SHLD2: variants seen among roughly 807,000 people sequenced by gnomAD.
The protein encoded by SHLD2 is shieldin complex subunit 2.
SHLD2 carries 30 observed loss-of-function variants against 73.2 expected under a neutral mutation model. That is an observed-to-expected ratio of 0.41 (90% CI 0.31 to 0.56). The LOEUF (loss-of-function observed/expected upper bound fraction) is 0.56. Among genes scored for constraint, SHLD2 ranks in the 20% least tolerant of loss-of-function variants. The pLI is 0.28. For synonymous variants in SHLD2, 285 were observed against 370.1 expected, an observed-to-expected ratio of 0.77 and a Z score of 2.64; for missense variants, 745 against 1,055.9, an observed-to-expected ratio of 0.71 and a Z score of 4.08.
chr10:87,160,807 T>C (rs940038763), intron 4 of SHLD2, among the ~76,000 whole-genome samples: 18 of 151,752 alleles, frequency 1.2e-4, no homozygotes, highest in Non-Finnish European at 2.2e-4. Context: ...CTGGCCAACA[T>C]AGCAAAACCC....
At chr10:87,107,440 T>C (rs1842673030) in intron 2 of SHLD2, among the ~76,000 whole-genome samples, 1 of 151,674 alleles carries the variant, frequency 6.6e-6, no homozygotes. Context: ...AAAAAGAAAA[T>C]AATATGGTGC....
At position 87,190,997 on chromosome 10, in the gene SHLD2, G is replaced by A; in HGVS notation, c.*314G>A. The A allele has an allele frequency of 5.4e-6, 2 of 372,172 alleles. No individual in the cohort carries two copies. The highest frequency in any genetic ancestry group is 5.0e-6 in the Non-Finnish European group (1 of 200,840). 23.1% of individuals were successfully genotyped at this position (372,172 alleles called of 1,614,324 possible). ...GTATTTAGTCCCTGCTACATTCCAG[G>A]CATTGTACTAAGTATGGGGAACCAC... On this transcript the variant is annotated 3_prime_UTR_variant, in exon 10 of 10. Coordinates refer to ENST00000298786, the MANE Select transcript of SHLD2 (RefSeq NM_001330112.2).
chr10:87,099,713 C>T (rs1432015971), intron 2 of SHLD2, among the ~76,000 whole-genome samples: 2 of 152,214 alleles, frequency 1.3e-5, no homozygotes, highest in Admixed American at 6.5e-5. Context: ...TACTGCCAAA[C>T]TTTTCCACAG....
intron 8 of SHLD2, among the ~76,000 whole-genome samples, chr10:87,181,106 T>C (rs1848276737): frequency 6.7e-6 from 1 of 150,272 alleles, no homozygotes; most frequent in Admixed American, 6.7e-5. Flanking sequence ...GTAGGCTGGG[T>C]GTGGTGGCTC....
At chr10:87,095,122 A>C (rs1841714394), upstream of SHLD2, 1 of 94,182 alleles carries the variant, frequency 1.1e-5, no homozygotes, top group Admixed American at 1.2e-4. Context: ...GGCGGGGAGG[A>C]GAGTGGAGGG....
chr10:87,128,952 G>A (rs1413932420), intron 2 of SHLD2, among the ~76,000 whole-genome samples: 4 of 152,098 alleles, frequency 2.6e-5, no homozygotes, highest in Non-Finnish European at 4.4e-5. Flanking sequence ...GCCCAGGCTG[G>A]AGTGCAGTGG....
At chr10:87,118,447 T>G (rs1330229907) in intron 2 of SHLD2, among the ~76,000 whole-genome samples, 1 of 151,048 alleles carries the variant, frequency 6.6e-6, no homozygotes, top group African/African-American at 2.4e-5. Flanking sequence ...ATATTTATTT[T>G]TCTATTTGAG....
chr10:87,153,627 G>A (rs1167910575), intron 3 of SHLD2, among the ~76,000 whole-genome samples: 1 of 152,098 alleles, frequency 6.6e-6, no homozygotes, highest in Non-Finnish European at 1.5e-5. Flanking sequence ...GTGCATGTGT[G>A]TATATATCAC....
At chr10:87,159,289 C>T (rs1846648746) in intron 4 of SHLD2, among the ~76,000 whole-genome samples, 1 of 152,058 alleles carries the variant, frequency 6.6e-6, no homozygotes, top group Non-Finnish European at 1.5e-5. Flanking sequence ...ACTAGGGTGG[C>T]CCATCAGCAG....
In SHLD2 at chr10:87,187,142, A is replaced by C. The variant is rs1165529914; in HGVS notation, c.2457A>C (p.Ser819=). The C allele has an allele frequency of 6.2e-7, 1 of 1,613,532 alleles. No individual in the cohort carries two copies. Among genetic ancestry groups the C allele is most frequent in the Non-Finnish European group, 8.5e-7 (1 of 1,179,522 alleles). ...GRHDVCIRVE[S]KLIEKILLNI... ...ATGATGTTTGTATCCGTGTAGAATC[A>C]AAGCTGATAGAGAAGATTCTTCTCA... The change falls in exon 9 of 10, where the codon TCA becomes TCC. Residue 819 remains serine, a synonymous_variant. Transcript: ENST00000298786.
At chr10:87,180,420 A>C (rs1848232750) in intron 8 of SHLD2, 117 bp downstream of exon 8, 3 of 1,384,992 alleles carry the variant, frequency 2.2e-6, no homozygotes, top group East Asian at 5.0e-5. Flanking sequence ...AAGAGAATAA[A>C]ATTTTCCGAG....
At chr10:87,153,604 C>T (rs540097771) in intron 3 of SHLD2, among the ~76,000 whole-genome samples, 15 of 152,078 alleles carry the variant, frequency 9.9e-5, no homozygotes, top group Non-Finnish European at 1.9e-4. Flanking sequence ...TCTCTGTTCT[C>T]CTTAAAATGT....
Position 87,180,234 on chromosome 10 carries a change from C to T in SHLD2, c.2330C>T (p.Thr777Ile), listed in dbSNP as rs1001183724. 5 of 1,612,414 alleles carry T rather than the reference C, an allele frequency of 3.1e-6. No homozygotes were observed. The African/African-American group carries it at 6.7e-5, about 22-fold the overall frequency. The change falls in exon 8 of 10, where the codon ACA (threonine) becomes ATA (isoleucine). Residue 777 changes from threonine (T) to isoleucine (I), a missense_variant. Coordinates refer to ENST00000298786, the MANE Select transcript of SHLD2 (RefSeq NM_001330112.2). ...GCAAAATGTGGATTGGAACTAGAAA[C>T]AGATGAGAACAGGATCTACAAACAA... ...GCAKCGLELE[T>I]DENRIYKQCF...
chr10:87,178,996 T>A (rs1292014747), intron 7 of SHLD2, among the ~76,000 whole-genome samples: 1 of 152,186 alleles, frequency 6.6e-6, no homozygotes, highest in African/African-American at 2.4e-5. Context: ...TGACCTGGAG[T>A]GTTCTTACTT....
chr10:87,120,153 G>A (rs1485569184), intron 2 of SHLD2, among the ~76,000 whole-genome samples: 10 of 151,980 alleles, frequency 6.6e-5, no homozygotes, highest in Non-Finnish European at 8.8e-5. Context: ...GTTTGTCTAC[G>A]TTTCAGTTTC....
chr10:87,094,712 C>A, upstream of SHLD2: 1 of 1,508,060 alleles, frequency 6.6e-7, no homozygotes, highest in Admixed American at 2.1e-5. The surrounding 1 kb of genome is among the most constrained non-coding windows in gnomAD (Gnocchi z 6.6). Flanking sequence ...GACGCCGAGC[C>A]CAGGGCAGCG....
Position 87,180,186 on chromosome 10 carries a change from C to T in SHLD2, c.2282C>T (p.Pro761Leu), listed in dbSNP as rs780375277. 5.0e-6 allele frequency: 8 copies of T among 1,613,336 alleles called. 1 individual carries two copies. The South Asian group carries it at 6.6e-5, about 13-fold the overall frequency. Residue 761 changes from proline to leucine, a missense_variant, in exon 8 of 10, where the codon CCC (proline) becomes CTC (leucine). Physicochemically the swap from Pro to Leu is moderately conservative, Grantham distance 98. This residue lies in a region of SHLD2 where 418 missense variants were observed against 567.8 expected (regional missense o/e 0.74). Coordinates refer to ENST00000298786, the MANE Select transcript of SHLD2 (RefSeq NM_001330112.2). ...CTGAAGAGTATTTTTTCTTCTCTTCCCAACATCGTATATACTGGTTGTGCA... is the reference window on the plus strand; with the variant it reads ...CTGAAGAGTATTTTTTCTTCTCTTCTCAACATCGTATATACTGGTTGTGCA... ...SSLKSIFSSLPNIVYTGCAKC... is the reference protein window; with the variant it reads ...SSLKSIFSSLLNIVYTGCAKC...
intron 3 of SHLD2, among the ~76,000 whole-genome samples, chr10:87,154,762 C>A (rs1257395019): frequency 2.0e-5 from 3 of 151,916 alleles, no homozygotes. Flanking sequence ...TGTATTAGAG[C>A]AGGAGGAAGT....
chr10:87,112,237 CAA>C (rs55667104), intron 2 of SHLD2, among the ~76,000 whole-genome samples: 1,325 of 109,472 alleles, frequency 0.012, 13 homozygotes, highest in Non-Finnish European at 0.019. Flanking sequence ...GACTCCGTCT[CAA>C]AAAAAAAAAA....
Sources: allele counts gnomAD v4.1 joint callset (sites outside exome capture counted in the v4.1 genomes callset), GRCh38; gene constraint gnomAD v4.1.1; regional missense constraint gnomAD v4.1.1; non-coding constraint Gnocchi (gnomAD v3.1); transcripts MANE v1.5; gene names NCBI Gene and HGNC (gene_info 2026-07-23, HGNC 2026-07-21).